Variants in ANTXR1 observed in about 807,000 individuals in gnomAD.
ANTXR1 encodes the protein anthrax toxin receptor 1.
A neutral mutation model predicts 78.1 loss-of-function variants in ANTXR1; 19 were observed. The observed-to-expected ratio is 0.24, with a 90% CI of 0.17 to 0.36. ANTXR1 has a LOEUF of 0.36. ANTXR1 is among the 10% of genes least tolerant of loss of function. The probability of loss-of-function intolerance (pLI) is 1.00; values close to 1 mark genes in which losing one functional copy is unlikely to be tolerated. For missense variants in ANTXR1, 518 were observed against 718.6 expected, an observed-to-expected ratio of 0.72 and a Z score of 3.19; for synonymous variants, 273 against 260.5, an observed-to-expected ratio of 1.05 and a Z score of -0.46.
chr2:69,026,861 A>C (rs544449238), intron 1 of ANTXR1, among the ~76,000 whole-genome samples: 1 of 152,334 alleles, frequency 6.6e-6, no homozygotes, highest in East Asian at 1.9e-4. Context: ...CCAAAAGAAA[A>C]AGCCTGAAGA....
rs146325942 is a variant in ANTXR1, at chr2:69,034,597, AT to A, written c.153-5444del. ...AATTAGGGACCTTTTACATCCACTG[AT>A]TTCTAGAACGTGGCACTGCAACTCT... On this transcript the variant is annotated intron_variant, in intron 1 of 17. Transcript: ENST00000303714. Among the ~76,000 whole-genome samples the A allele has an allele frequency of 5.0e-3, 769 of 152,298 alleles. 8 individuals carry two copies. The highest frequency in any genetic ancestry group is 0.017 in the African/African-American group (702 of 41,552).
chr2:69,237,159 G>T (rs777995913), intron 17 of ANTXR1, among the ~76,000 whole-genome samples: 1 of 151,850 alleles, frequency 6.6e-6, no homozygotes, highest in Admixed American at 6.6e-5. Context: ...TAGTTTCCTC[G>T]TGTTACCAAA....
chr2:69,097,259 T>G (rs1024434057), intron 9 of ANTXR1, among the ~76,000 whole-genome samples: 12 of 152,226 alleles, frequency 7.9e-5, no homozygotes, highest in African/African-American at 2.9e-4. Context: ...GAATCAAGTG[T>G]GCAACTTGCC....
In ANTXR1 at chr2:69,100,117, T is replaced by G. The variant is rs1202449575; in HGVS notation, c.704-2725T>G. 3.9e-5 allele frequency among the ~76,000 whole-genome samples: 6 copies of G among 152,354 alleles called. No homozygotes were observed. In the East Asian group the frequency reaches 1.2e-3, roughly 29 times the overall value. The stretch of plus-strand genomic sequence containing the variant: ...CATACAAGTTGCCTAAAAACACAGC[T>G]GTACATATTTTGAAAGGTGGGTTCA... On this transcript the variant is annotated intron_variant, in intron 9 of 17. Transcript: ENST00000303714.
At chr2:69,206,367 C>T (rs902811175) in intron 17 of ANTXR1, among the ~76,000 whole-genome samples, 5 of 152,228 alleles carry the variant, frequency 3.3e-5, no homozygotes, top group African/African-American at 1.2e-4. Flanking sequence ...CTAAATGTCA[C>T]AGAGTCTGGA....
rs972036721 is a variant in ANTXR1, at chr2:69,246,553, C to T, written c.*1068C>T. ...CAGAGCTGAGAGACAATGGTCCTGACATAATAAGGATCTTTGATTAACCCC... is the reference window on the plus strand; with the variant it reads ...CAGAGCTGAGAGACAATGGTCCTGATATAATAAGGATCTTTGATTAACCCC... On this transcript the variant is annotated 3_prime_UTR_variant, in exon 18 of 18. Transcript: ENST00000303714. 2 of 152,098 alleles carry T rather than the reference C, an allele frequency of 1.3e-5. No homozygotes were observed. Among genetic ancestry groups the T allele is most frequent in the African/African-American group, 4.8e-5 (2 of 41,384 alleles). 9.4% of individuals were successfully genotyped at this position (152,098 alleles called of 1,614,324 possible). A position where few individuals can be genotyped will look rare whatever the true frequency, so the allele number is the denominator to read the frequency against.
At chr2:69,156,313 G>A (rs1174378476) in intron 13 of ANTXR1, among the ~76,000 whole-genome samples, 2 of 152,110 alleles carry the variant, frequency 1.3e-5, no homozygotes, top group African/African-American at 2.4e-5. Context: ...ACCCTCATAT[G>A]TGCATCCTCC....
At chr2:69,207,076 C>T (rs2104493313) in intron 17 of ANTXR1, among the ~76,000 whole-genome samples, 1 of 152,314 alleles carries the variant, frequency 6.6e-6, no homozygotes, top group East Asian at 1.9e-4. Context: ...AATGAATGTT[C>T]TGACCCTCAG....
At chr2:69,142,166 A>G (rs2104416065) in intron 12 of ANTXR1, among the ~76,000 whole-genome samples, 1 of 152,348 alleles carries the variant, frequency 6.6e-6, no homozygotes, top group South Asian at 2.1e-4. Context: ...GCTCTTTGCC[A>G]TGAGGTTGAT....
At chr2:69,186,827 A>C (rs1051940794) in intron 16 of ANTXR1, among the ~76,000 whole-genome samples, 16 of 152,224 alleles carry the variant, frequency 1.1e-4, no homozygotes, top group African/African-American at 3.9e-4. Flanking sequence ...TTTACAGACC[A>C]AGACCAAAGG....
intron 17 of ANTXR1, among the ~76,000 whole-genome samples, chr2:69,201,744 C>T (rs897140424): frequency 6.6e-6 from 1 of 152,178 alleles, no homozygotes; most frequent in Non-Finnish European, 1.5e-5. Context: ...GCCCAAGCGA[C>T]ATTGCTGACT....
chr2:69,032,510 G>A (rs1558735336), intron 1 of ANTXR1, among the ~76,000 whole-genome samples: 1 of 152,064 alleles, frequency 6.6e-6, no homozygotes, highest in African/African-American at 2.4e-5. Flanking sequence ...CTCACCCGAC[G>A]ATGTTGACCC....
At chr2:69,109,483 A>C (rs1671912238) in intron 10 of ANTXR1, among the ~76,000 whole-genome samples, 1 of 152,240 alleles carries the variant, frequency 6.6e-6, no homozygotes, top group African/African-American at 2.4e-5. Flanking sequence ...TAATTGGAAC[A>C]ATGTATGATC....
intron 17 of ANTXR1, among the ~76,000 whole-genome samples, chr2:69,194,153 A>G (rs1674608113): frequency 6.6e-6 from 1 of 152,232 alleles, no homozygotes; most frequent in African/African-American, 2.4e-5. Flanking sequence ...GTTCTGTTTC[A>G]AATAGTAACA....
At chr2:69,050,808 G>C (rs1669909123) in intron 3 of ANTXR1, among the ~76,000 whole-genome samples, 1 of 151,856 alleles carries the variant, frequency 6.6e-6, no homozygotes, top group Admixed American at 6.6e-5. Flanking sequence ...TCCTCCAATT[G>C]TATAAAGCTA....
At chr2:69,055,791 G>T (rs1048232011) in intron 3 of ANTXR1, among the ~76,000 whole-genome samples, 3 of 151,930 alleles carry the variant, frequency 2.0e-5, no homozygotes, top group African/African-American at 7.3e-5. Context: ...CTGTGTCTTT[G>T]TATATAGTAC....
At chr2:69,072,957 G>T (rs60334682) in intron 5 of ANTXR1, 65 bp from the exon 6 acceptor site, 1 of 1,187,862 alleles carries the variant, frequency 8.4e-7, no homozygotes, top group Non-Finnish European at 1.2e-6. Flanking sequence ...TGAATCCTGG[G>T]ACTGAGAGGG....
chr2:69,189,175 A>C (rs771835096), intron 16 of ANTXR1, among the ~76,000 whole-genome samples: 1 of 152,188 alleles, frequency 6.6e-6, no homozygotes, highest in Non-Finnish European at 1.5e-5. Context: ...GTTTAGGTTC[A>C]TTTGTGGGAC....
Position 69,013,675 on chromosome 2 carries a change from C to T in ANTXR1, c.152+24C>T. ...AAGTAAGTGCCGCGAGTTGTCCCCCCCACCCCAGGCTAAGCGGGCGAAAAC... is the reference window on the plus strand; with the variant it reads ...AAGTAAGTGCCGCGAGTTGTCCCCCTCACCCCAGGCTAAGCGGGCGAAAAC... On this transcript the variant is annotated intron_variant, in intron 1 of 17. Transcript: ENST00000303714. The surrounding 1 kb of genome is among the most constrained non-coding windows in gnomAD (Gnocchi z 5.0). 1 of 1,551,530 alleles carries T rather than the reference C, an allele frequency of 6.4e-7. No homozygotes were observed. Among genetic ancestry groups the T allele is most frequent in the African/African-American group, 1.4e-5 (1 of 73,176 alleles).
Sources: gnomAD v4.1 joint callset for allele counts (sites outside exome capture counted in the v4.1 genomes callset) on GRCh38, gnomAD v4.1.1 for gene constraint, Gnocchi (gnomAD v3.1) non-coding constraint, MANE v1.5 for transcripts, NCBI Gene and HGNC (gene_info 2026-07-23, HGNC 2026-07-21) for gene names.